The following NDUFA5 variants were observed in gnomAD, a reference collection of about 807,000 sequenced individuals.
The protein encoded by NDUFA5 is NADH dehydrogenase [ubiquinone] 1 alpha subcomplex subunit 5.
Under a neutral mutation model 19.8 loss-of-function variants are expected in NDUFA5, and 11 were observed. That is an observed-to-expected ratio of 0.56 (90% CI 0.35 to 0.92). NDUFA5 has a LOEUF of 0.92. Among genes scored for constraint, NDUFA5 ranks in the 40% least tolerant of loss-of-function variants. The probability of loss-of-function intolerance (pLI) is 0.01; values close to 1 mark genes in which losing one functional copy is unlikely to be tolerated. For synonymous variants in NDUFA5, 47 were observed against 46.8 expected (o/e 1.00, Z -0.01); for missense variants, 109 against 134.2 (o/e 0.81, Z 0.93).
chr7:123,557,346 G>GCTA lies in NDUFA5; in HGVS notation c.66+57_66+58insTAG, dbSNP rs1488864914. On this transcript the variant is annotated intron_variant, in intron 2 of 4. Coordinates refer to ENST00000355749, the MANE Select transcript of NDUFA5 (RefSeq NM_005000.5). Reference sequence around the variant, plus strand: ...CCGTTAACCCTGCAATAAGCAAAGTGACAGGAATTTAGTCTTCCTTGGGAA... The same window carrying GCTA: ...CCGTTAACCCTGCAATAAGCAAAGTGCTAACAGGAATTTAGTCTTCCTTGGGAA... 2.5e-6 allele frequency: 4 copies of GCTA among 1,608,876 alleles called. No individual in the cohort carries two copies. In the South Asian group the frequency reaches 3.3e-5, roughly 13 times the overall value.
the NDUFA5 span, among the ~76,000 whole-genome samples, chr7:123,572,724 G>A: frequency 2.8e-5 from 4 of 143,408 alleles, no homozygotes; most frequent in African/African-American, 1.0e-4. Flanking sequence ...TCAATTTTCT[G>A]CAACATGTTA....
In NDUFA5 at chr7:123,541,512, GTAAA is replaced by G. The variant is rs1797944576; in HGVS notation, c.*603_*606del. 1 of 152,060 alleles carries G rather than the reference GTAAA, an allele frequency of 6.6e-6. No individual in the cohort carries two copies. The highest frequency in any genetic ancestry group is 1.5e-5 in the Non-Finnish European group (1 of 68,002). 9.4% of individuals were successfully genotyped at this position (152,060 alleles called of 1,614,324 possible). On this transcript the variant is annotated 3_prime_UTR_variant, in exon 5 of 5. Coordinates refer to ENST00000355749, the MANE Select transcript of NDUFA5 (RefSeq NM_005000.5). ...AAAATTAAGACTATAAGAAAACAGA[GTAAA>G]TGGTATAATTCAATAATGACTAAAA...
intron 3 of NDUFA5, among the ~76,000 whole-genome samples, chr7:123,548,106 A>C (rs1798202576): frequency 6.6e-6 from 1 of 152,174 alleles, no homozygotes; most frequent in South Asian, 2.1e-4. Context: ...ATCTGAAAAA[A>C]AAAGTTACTT....
the NDUFA5 span, among the ~76,000 whole-genome samples, chr7:123,580,264 G>A: frequency 3.3e-5 from 5 of 152,092 alleles, no homozygotes; most frequent in Non-Finnish European, 7.4e-5. Flanking sequence ...GGTGGCAGAT[G>A]AAGTCCTCAG....
At chr7:123,587,253 C>T in the NDUFA5 span, among the ~76,000 whole-genome samples, 1 of 151,538 alleles carries the variant, frequency 6.6e-6, no homozygotes. Context: ...TCAGTGTACT[C>T]ACCTTTCACC....
chr7:123,547,396 CT>C (rs886591291), intron 3 of NDUFA5, among the ~76,000 whole-genome samples: 56 of 147,538 alleles, frequency 3.8e-4, no homozygotes, highest in East Asian at 3.7e-3. Flanking sequence ...TCAGTTTTTA[CT>C]TTTTTTTTTT....
chr7:123,554,080 A>G (rs1020136655), intron 2 of NDUFA5, among the ~76,000 whole-genome samples: 18 of 152,226 alleles, frequency 1.2e-4, no homozygotes, highest in African/African-American at 4.1e-4. Flanking sequence ...AAAACAGTAG[A>G]TGCTAGCTAA....
chr7:123,538,275 G>A lies in NDUFA5; in HGVS notation c.*3844C>T, dbSNP rs1797812546. 1 of 152,060 alleles carries A rather than the reference G, an allele frequency of 6.6e-6. No individual in the cohort carries two copies. The highest frequency in any genetic ancestry group is 2.4e-5 in the African/African-American group (1 of 41,382). 9.4% of individuals were successfully genotyped at this position (152,060 alleles called of 1,614,324 possible). Reference sequence around the variant, plus strand: ...ATAAAAAATACACTTAAGACACTGGGATTTAAGGATAACCCATGCTAAGTC... The same window carrying A: ...ATAAAAAATACACTTAAGACACTGGAATTTAAGGATAACCCATGCTAAGTC... On this transcript the variant is annotated 3_prime_UTR_variant, in exon 5 of 5. Transcript: ENST00000355749.
At chr7:123,560,944 A>G (rs1798679983), upstream of NDUFA5, among the ~76,000 whole-genome samples, 1 of 152,218 alleles carries the variant, frequency 6.6e-6, no homozygotes, top group African/African-American at 2.4e-5. Context: ...TAAGAAAACA[A>G]TTCTATTTAC....
chr7:123,552,406 T>C (rs899428682), intron 2 of NDUFA5, among the ~76,000 whole-genome samples: 1 of 151,962 alleles, frequency 6.6e-6, no homozygotes, highest in African/African-American at 2.4e-5. Flanking sequence ...AAACATCACA[T>C]GTTCTCACTC....
intron 2 of NDUFA5, 37 bp from the exon 3 acceptor site, chr7:123,550,623 A>C: frequency 8.0e-7 from 1 of 1,246,178 alleles, no homozygotes; most frequent in Non-Finnish European, 1.2e-6. Context: ...CATAGGTTAA[A>C]ATATTACCAA....
chr7:123,569,744 T>C, the NDUFA5 span, among the ~76,000 whole-genome samples: 1 of 152,186 alleles, frequency 6.6e-6, no homozygotes, highest in Non-Finnish European at 1.5e-5. Context: ...ATATCTTAAA[T>C]GCATAGTGTA....
At chr7:123,583,266 G>A in the NDUFA5 span, among the ~76,000 whole-genome samples, 3 of 151,902 alleles carry the variant, frequency 2.0e-5, no homozygotes, top group African/African-American at 2.4e-5. Context: ...AGACAGCACT[G>A]TAGATTCTAA....
the NDUFA5 span, among the ~76,000 whole-genome samples, chr7:123,595,429 T>A: frequency 6.6e-6 from 1 of 152,230 alleles, no homozygotes; most frequent in Non-Finnish European, 1.5e-5. Context: ...GTCGGGTTAT[T>A]CTTTGTGAAA....
chr7:123,550,254 T>A (rs1278013284), intron 3 of NDUFA5: 5 of 452,792 alleles, frequency 1.1e-5, no homozygotes, highest in Non-Finnish European at 2.0e-5. Flanking sequence ...CAAGGAAGGA[T>A]CTGATCCTAG....
chr7:123,568,676 T>C, the NDUFA5 span, among the ~76,000 whole-genome samples: 2 of 152,082 alleles, frequency 1.3e-5, no homozygotes, highest in African/African-American at 4.8e-5. Flanking sequence ...AAATAAGTGA[T>C]GAAAGGCAAA....
chr7:123,556,235 A>G (rs1441364218), intron 2 of NDUFA5: 1 of 150,462 alleles, frequency 6.6e-6, no homozygotes, highest in Non-Finnish European at 1.5e-5. Context: ...GAAGATCAGG[A>G]ACCCCATTTT....
chr7:123,554,931 C>A (rs1798486633), intron 2 of NDUFA5: 1 of 152,332 alleles, frequency 6.6e-6, no homozygotes, highest in Non-Finnish European at 1.5e-5. Context: ...ATCCACCCGC[C>A]TCAGCCTCCC....
the NDUFA5 span, among the ~76,000 whole-genome samples, chr7:123,587,899 G>A: frequency 6.6e-6 from 1 of 151,646 alleles, no homozygotes; most frequent in African/African-American, 2.4e-5. Flanking sequence ...CTTAACCATG[G>A]TACATAATCC....
Sources: gnomAD v4.1 joint callset for allele counts (sites outside exome capture counted in the v4.1 genomes callset) on GRCh38, gnomAD v4.1.1 for gene constraint, MANE v1.5 for transcripts, NCBI Gene and HGNC (gene_info 2026-07-23, HGNC 2026-07-21) for gene names.